The following PRTG variants were observed in gnomAD, a reference collection of about 807,000 sequenced individuals.
PRTG encodes immunoglobulin superfamily, DCC subclass, member 5.
In PRTG, 67 loss-of-function variants were observed where a neutral mutation model predicts 122.5. The observed-to-expected ratio is 0.55, with a 90% CI of 0.45 to 0.67. The LOEUF is 0.67. PRTG is among the 30% of genes least tolerant of loss of function. The pLI, the probability that PRTG is intolerant of heterozygous loss-of-function variation, is 0.00. For synonymous variants in PRTG, 554 were observed against 501.1 expected (o/e 1.11, Z -1.41); for missense variants, 1,435 against 1,415.4 (o/e 1.01, Z -0.22).
rs565389494 is a variant in PRTG, at chr15:55,731,410, G to A, written c.397+8972C>T. Among the ~76,000 whole-genome samples the A allele has an allele frequency of 7.3e-5, 9 of 124,106 alleles. No homozygotes were observed. The East Asian group carries it at 9.4e-4, about 13-fold the overall frequency. The allele number at this position is 124,106 out of a possible 152,430, so 81.4% of individuals were successfully genotyped here. On this transcript the variant is annotated intron_variant, in intron 2 of 19. Transcript: ENST00000389286. ...TTTGGAGATGCAGTCTTGTTCTGTC[G>A]CCCAGGTTGGAGTACAACGGCATGC...
At chr15:55,645,859 C>G (rs926407189) in intron 11 of PRTG, among the ~76,000 whole-genome samples, 1 of 152,000 alleles carries the variant, frequency 6.6e-6, no homozygotes, top group Non-Finnish European at 1.5e-5. Flanking sequence ...GGGAAAACAG[C>G]AGAGTTAGAA....
At position 55,740,442 on chromosome 15, in the gene PRTG, A is replaced by C; in HGVS notation, c.337T>G (p.Cys113Gly). The C allele has an allele frequency of 6.2e-7, 1 of 1,614,212 alleles. No homozygotes were observed. The highest frequency in any genetic ancestry group is 8.5e-7 in the Non-Finnish European group (1 of 1,180,042). Residue 113 changes from cysteine (C) to glycine (G), a missense_variant, in exon 2 of 20, where the codon TGC becomes GGC. Physicochemically the swap from Cys to Gly is radical, Grantham distance 159. Transcript: ENST00000389286. ...GCTCCATATTTGTTCATTGCCAAGC[A>C]CTGATAAAATCCTTCATCGGACTGC... is the stretch of plus-strand genomic sequence containing the variant. ...GEQSDEGFYQ[C>G]LAMNKYGAIL...
At chr15:55,737,996 CTCTCTCTATATA>C (rs1303424579) in intron 2 of PRTG, among the ~76,000 whole-genome samples, 4 of 65,322 alleles carry the variant, frequency 6.1e-5, no homozygotes, top group Admixed American at 3.8e-4. Flanking sequence ...CTCTCTCTCT[CTCTCTCTATATA>C]TATATATATA....
chr15:55,702,365 T>C (rs922833282), intron 2 of PRTG, among the ~76,000 whole-genome samples: 2 of 152,170 alleles, frequency 1.3e-5, no homozygotes, highest in Non-Finnish European at 2.9e-5. Flanking sequence ...TCTGCTCTCA[T>C]CCACAGAATA....
chr15:55,629,369 ATATATATGTGTGTGTGTGTG>A (rs1209917308), intron 15 of PRTG, among the ~76,000 whole-genome samples: 39 of 34,392 alleles, frequency 1.1e-3, no homozygotes, highest in South Asian at 7.1e-3. Flanking sequence ...GTATATATAT[ATATATATGTGTGTGTGTGTG>A]TGTGTGTGTG....
chr15:55,635,961 G>A (rs1040788920), intron 15 of PRTG, among the ~76,000 whole-genome samples: 2 of 151,998 alleles, frequency 1.3e-5, no homozygotes, highest in African/African-American at 2.4e-5. Context: ...TTAAGGAAGT[G>A]CCAAAATAAT....
chr15:55,645,174 G>A lies in PRTG; in HGVS notation c.2042-3966C>T, dbSNP rs537224650. 4.6e-5 allele frequency among the ~76,000 whole-genome samples: 7 copies of A among 151,826 alleles called. No homozygotes were observed. The East Asian group carries it at 7.8e-4, about 17-fold the overall frequency. On this transcript the variant is annotated intron_variant, in intron 11 of 19. Transcript: ENST00000389286. Reference sequence around the variant, plus strand: ...GAAGGGGCCGGGCGCGGTGGCTCACGCCTGTAATCCCAGCACTTTGGGAGG... The same window carrying A: ...GAAGGGGCCGGGCGCGGTGGCTCACACCTGTAATCCCAGCACTTTGGGAGG...
intron 2 of PRTG, among the ~76,000 whole-genome samples, chr15:55,706,901 A>G (rs1023713771): frequency 6.6e-6 from 1 of 152,208 alleles, no homozygotes; most frequent in African/African-American, 2.4e-5. Flanking sequence ...TGCTACTCTA[A>G]GTGCCATCCT....
intron 11 of PRTG, among the ~76,000 whole-genome samples, chr15:55,643,065 C>T (rs891382314): frequency 1.3e-5 from 2 of 151,664 alleles, no homozygotes; most frequent in African/African-American, 4.9e-5. Flanking sequence ...AGAACAATGC[C>T]CCATCTCTCA....
At chr15:55,717,630 A>G (rs531139403) in intron 2 of PRTG, among the ~76,000 whole-genome samples, 223 of 152,376 alleles carry the variant, frequency 1.5e-3, no homozygotes, top group Admixed American at 3.7e-3. Context: ...AGTGGGACAC[A>G]ATACATTTGA....
At chr15:55,687,067 C>T (rs2059574313) in intron 2 of PRTG, among the ~76,000 whole-genome samples, 1 of 152,130 alleles carries the variant, frequency 6.6e-6, no homozygotes, top group Non-Finnish European at 1.5e-5. Context: ...CAGGATACTG[C>T]AAGACAGTAA....
chr15:55,617,657 T>C lies in PRTG; in HGVS notation c.*2355A>G, dbSNP rs1339614805. Reference sequence around the variant, plus strand: ...CAAATAGTTATAGCCTAAAGTTCTATTGTAACTATAAGCCTATTCATCAAA... The same window carrying C: ...CAAATAGTTATAGCCTAAAGTTCTACTGTAACTATAAGCCTATTCATCAAA... On this transcript the variant is annotated 3_prime_UTR_variant, in exon 20 of 20. Transcript: ENST00000389286. 2 of 152,160 alleles carry C rather than the reference T, an allele frequency of 1.3e-5. No individual in the cohort carries two copies. Among genetic ancestry groups the C allele is most frequent in the African/African-American group, 2.4e-5 (1 of 41,450 alleles). 9.4% of individuals were successfully genotyped at this position (152,160 alleles called of 1,614,324 possible).
At chr15:55,712,800 T>C (rs1281094526) in intron 2 of PRTG, among the ~76,000 whole-genome samples, 1 of 152,132 alleles carries the variant, frequency 6.6e-6, no homozygotes, top group East Asian at 1.9e-4. Context: ...TAAGATAAAA[T>C]TTAAAGCTGT....
intron 18 of PRTG, among the ~76,000 whole-genome samples, chr15:55,622,849 T>C (rs974149287): frequency 1.3e-5 from 2 of 152,198 alleles, no homozygotes; most frequent in Non-Finnish European, 2.9e-5. Flanking sequence ...ATCAGTACTT[T>C]TTAAGCTCAT....
At chr15:55,648,495 C>T (rs1359874987) in intron 11 of PRTG, among the ~76,000 whole-genome samples, 1 of 152,120 alleles carries the variant, frequency 6.6e-6, no homozygotes, top group Non-Finnish European at 1.5e-5. Context: ...AACAAAAAAC[C>T]CCATGCCTTC....
chr15:55,678,241 C>CTGT (rs554905269), intron 7 of PRTG, among the ~76,000 whole-genome samples, 197 bp from the exon 8 acceptor site: 2 of 151,960 alleles, frequency 1.3e-5, no homozygotes, highest in Non-Finnish European at 2.9e-5. Context: ...CGTTTTCTTT[C>CTGT]TGTTGTTGTT....
At chr15:55,709,606 T>C (rs1241371212) in intron 2 of PRTG, among the ~76,000 whole-genome samples, 13 of 152,108 alleles carry the variant, frequency 8.5e-5, no homozygotes, top group African/African-American at 2.9e-4. Context: ...TTATGTGTAA[T>C]GGCCTCAAAC....
chr15:55,614,565 C>T lies in PRTG; in HGVS notation c.*5447G>A, dbSNP rs1471277430. On this transcript the variant is annotated 3_prime_UTR_variant, in exon 20 of 20. Coordinates refer to ENST00000389286, the MANE Select transcript of PRTG (RefSeq NM_173814.6). ...CTGAAGAGAAAAGGAGAAAGGGTAA[C>T]TATAAGAAGAGTTTTCAATTCTTTT... The T allele has an allele frequency of 6.6e-6, 1 of 152,070 alleles. No homozygotes were observed. 9.4% of individuals were successfully genotyped at this position (152,070 alleles called of 1,614,324 possible).
chr15:55,679,642 C>G (rs1486520429), intron 6 of PRTG, 197 bp from the exon 7 acceptor site: 4 of 508,682 alleles, frequency 7.9e-6, no homozygotes, highest in Non-Finnish European at 1.4e-5. Flanking sequence ...CCATGATTTC[C>G]CTATTCAGAG....
Sources: allele counts gnomAD v4.1 joint callset (sites outside exome capture counted in the v4.1 genomes callset), GRCh38; gene constraint gnomAD v4.1.1; transcripts MANE v1.5; gene names NCBI Gene and HGNC (gene_info 2026-07-23, HGNC 2026-07-21).